The following MCM10 variants were observed in gnomAD, a reference collection of about 807,000 sequenced individuals.
The protein encoded by MCM10 is minichromosome maintenance 10 replication initiation factor.
A neutral mutation model predicts 109.9 loss-of-function variants in MCM10; 91 were observed. That is an observed-to-expected ratio of 0.83 (90% CI 0.70 to 0.99). The LOEUF (loss-of-function observed/expected upper bound fraction) is 0.99. Among genes scored for constraint, MCM10 ranks in the 50% least tolerant of loss-of-function variants. MCM10 has a pLI of 0.00. For missense variants in MCM10, 1,077 were observed against 1,061.2 expected (o/e 1.01, Z -0.21); for synonymous variants, 380 against 387.2 (o/e 0.98, Z 0.22).
Position 13,197,536 on chromosome 10 carries a change from T to A in MCM10, c.1975-87T>A, listed in dbSNP as rs145223436. ...CTGTCAGAGAACAGCCAGAATTCAC[T>A]GGTTACTAATAAAAAAGGGATCCAG... On this transcript the variant is annotated intron_variant, in intron 14 of 19. Coordinates refer to ENST00000378714, the MANE Select transcript of MCM10 (RefSeq NM_018518.5). 7.7e-5 allele frequency: 95 copies of A among 1,226,772 alleles called. 1 individual carries two copies. The African/African-American group carries it at 1.2e-3, about 16-fold the overall frequency. The allele number at this position is 1,226,772 out of a possible 1,614,324, so 76.0% of individuals were successfully genotyped here.
At chr10:13,199,572 A>G (rs1834468137) in intron 16 of MCM10, among the ~76,000 whole-genome samples, 1 of 152,230 alleles carries the variant, frequency 6.6e-6, no homozygotes, top group African/African-American at 2.4e-5. Context: ...CTTATCTTGA[A>G]ATAAAATTCA....
intron 6 of MCM10, among the ~76,000 whole-genome samples, chr10:13,178,833 C>A (rs1268486530): frequency 6.6e-6 from 1 of 152,194 alleles, no homozygotes; most frequent in Non-Finnish European, 1.5e-5. Flanking sequence ...TTCTTTAAAT[C>A]CATCAACATA....
chr10:13,165,091 G>C (rs867422566), intron 2 of MCM10, among the ~76,000 whole-genome samples: 1 of 152,150 alleles, frequency 6.6e-6, no homozygotes, highest in South Asian at 2.1e-4. Flanking sequence ...CACACTCCCA[G>C]CAGATGCCTG....
intron 18 of MCM10, 109 bp downstream of exon 18, chr10:13,204,473 C>T: frequency 7.3e-7 from 1 of 1,373,368 alleles, no homozygotes. Flanking sequence ...CCATGCCTTC[C>T]TATAGCTCCA....
intron 18 of MCM10, among the ~76,000 whole-genome samples, chr10:13,204,990 GTA>G (rs72002574): frequency 0.73 from 86,905 of 118,646 alleles, 30,409 homozygotes; most frequent in Non-Finnish European, 0.78. Context: ...TCTCATGTAT[GTA>G]TGTATGTATG....
intron 18 of MCM10, among the ~76,000 whole-genome samples, chr10:13,207,251 A>G (rs984932092): frequency 6.6e-6 from 1 of 152,224 alleles, no homozygotes; most frequent in African/African-American, 2.4e-5. Context: ...TACACAGGCA[A>G]CTGGGCACGG....
chr10:13,186,256 G>C lies in MCM10; in HGVS notation c.1191G>C (p.Glu397Asp). 6.2e-7 allele frequency: 1 copy of C among 1,612,156 alleles called. No individual in the cohort carries two copies. Among genetic ancestry groups the C allele is most frequent in the South Asian group, 1.1e-5 (1 of 91,046 alleles). ...GTCKAKKKNG[E>D]PCTQTVNLRD... ...GTAAAGCCAAGAAGAAGAATGGAGA[G>C]CCGTGCACGCAGACTGTGAATTTGG... Residue 397 changes from glutamate to aspartate, a missense_variant, in exon 9 of 20, where the codon GAG (glutamate) becomes GAC (aspartate). Coordinates refer to ENST00000378714, the MANE Select transcript of MCM10 (RefSeq NM_018518.5).
rs1188939870 is a variant in MCM10 at position 13,183,041 on chromosome 10, G to A, written c.1039G>A (p.Gly347Arg). ...VHKALWKTEQ[G>R]TVVGILNANP... ...CAAAGCGCTCTGGAAGACGGAGCAG[G>A]GGACTGTCGTAGGGATCCTCAATGC... The change falls in exon 8 of 20, where the codon GGG becomes AGG. Residue 347 changes from glycine to arginine, a missense_variant. Gly to Arg is a moderately radical substitution (Grantham distance 125). Transcript: ENST00000378714. 4.3e-6 allele frequency: 7 copies of A among 1,614,068 alleles called. No homozygotes were observed. The highest frequency in any genetic ancestry group is 4.0e-5 in the African/African-American group (3 of 74,916).
In MCM10 at chr10:13,172,744, A is replaced by G; in HGVS notation, c.571A>G (p.Thr191Ala). 1 of 1,614,088 alleles carries G rather than the reference A, an allele frequency of 6.2e-7. No individual in the cohort carries two copies. The highest frequency in any genetic ancestry group is 8.5e-7 in the Non-Finnish European group (1 of 1,180,016). ...ACCAAGAACCAAGAGGGTGGCTCGA[A>G]CACCAAAGGCTTCACCTCCAGGTGT... ...ALPRTKRVAR[T>A]PKASPPDPKS... The change falls in exon 5 of 20, where the codon ACA (threonine) becomes GCA (alanine). Residue 191 changes from threonine to alanine, a missense_variant. By Grantham distance (58) the Thr-to-Ala change is moderately conservative. Transcript: ENST00000378714. This position sits in a 1 kb window ranked among gnomAD's most constrained non-coding sequence, Gnocchi z 5.2.
At chr10:13,164,335 G>C in intron 2 of MCM10, 126 bp downstream of exon 2, 2 of 806,390 alleles carry the variant, frequency 2.5e-6, no homozygotes, top group Non-Finnish European at 3.7e-6. Flanking sequence ...TGTCTTAGTG[G>C]TTCTGAAGCA....
chr10:13,164,739 G>A (rs1287778856), intron 2 of MCM10, among the ~76,000 whole-genome samples: 1 of 152,192 alleles, frequency 6.6e-6, no homozygotes, highest in Non-Finnish European at 1.5e-5. Context: ...GAAAAGAGAT[G>A]TTGCACTAAT....
intron 2 of MCM10, 126 bp downstream of exon 2, chr10:13,164,335 G>T: frequency 1.2e-6 from 1 of 806,390 alleles, no homozygotes. Flanking sequence ...TGTCTTAGTG[G>T]TTCTGAAGCA....
intron 13 of MCM10, among the ~76,000 whole-genome samples, chr10:13,192,947 G>A (rs1834368559): frequency 6.6e-6 from 1 of 151,784 alleles, no homozygotes; most frequent in Non-Finnish European, 1.5e-5. Flanking sequence ...GTGCAATGCT[G>A]CAGTGTCGGC....
At chr10:13,204,191 G>T (rs755912200) in intron 17 of MCM10, 28 bp from the exon 18 acceptor site, 1 of 1,605,282 alleles carries the variant, frequency 6.2e-7, no homozygotes, top group Non-Finnish European at 8.5e-7. Flanking sequence ...CTTCACCGGC[G>T]GTGTGGGTTT....
chr10:13,190,454 C>T (rs1248241699), intron 10 of MCM10, among the ~76,000 whole-genome samples: 2 of 152,166 alleles, frequency 1.3e-5, no homozygotes, highest in Non-Finnish European at 2.9e-5. Flanking sequence ...GAGGCCAAGG[C>T]AGGAGGATTG....
At chr10:13,163,693 G>GTT (rs1460389349) in intron 1 of MCM10, among the ~76,000 whole-genome samples, 1 of 151,874 alleles carries the variant, frequency 6.6e-6, no homozygotes, top group Non-Finnish European at 1.5e-5. Context: ...TAATTTGTGT[G>GTT]TGTGTGTGTG....
At chr10:13,206,912 C>G (rs561475980) in intron 18 of MCM10, among the ~76,000 whole-genome samples, 3 of 152,042 alleles carry the variant, frequency 2.0e-5, no homozygotes, top group Non-Finnish European at 2.9e-5. Context: ...TCAAGCGATC[C>G]TTCTGCTTCT....
At chr10:13,201,614 G>C (rs1834500903) in intron 17 of MCM10, 80 bp downstream of exon 17, 1 of 1,028,074 alleles carries the variant, frequency 9.7e-7, no homozygotes, top group Admixed American at 2.0e-5. Context: ...GAGAACCTGT[G>C]GGATCTGGGG....
At chr10:13,166,506 A>T (rs1364184785) in intron 2 of MCM10, among the ~76,000 whole-genome samples, 1 of 150,946 alleles carries the variant, frequency 6.6e-6, no homozygotes, top group Non-Finnish European at 1.5e-5. Flanking sequence ...GTGGTGGCAC[A>T]TGCCTGTAAT....
Sources: allele counts gnomAD v4.1 joint callset (sites outside exome capture counted in the v4.1 genomes callset), GRCh38; gene constraint gnomAD v4.1.1; non-coding constraint Gnocchi (gnomAD v3.1); transcripts MANE v1.5; gene names NCBI Gene and HGNC (gene_info 2026-07-23, HGNC 2026-07-21).